STIM1: variants seen among roughly 807,000 people sequenced by gnomAD.
STIM1 encodes stromal interaction molecule 1.
In STIM1, 25 loss-of-function variants were observed where a neutral mutation model predicts 74.7. The observed-to-expected ratio is 0.33, with a 90% CI of 0.24 to 0.47. The LOEUF (loss-of-function observed/expected upper bound fraction) is 0.47. Among genes scored for constraint, STIM1 ranks in the 20% least tolerant of loss-of-function variants. The pLI is 1.00. For synonymous variants in STIM1, 328 were observed against 348.8 expected, an observed-to-expected ratio of 0.94 and a Z score of 0.66; for missense variants, 728 against 920.8, an observed-to-expected ratio of 0.79 and a Z score of 2.71.
intron 1 of STIM1, among the ~76,000 whole-genome samples, chr11:3,875,271 C>T (rs2091271413): frequency 6.6e-6 from 1 of 152,158 alleles, no homozygotes; most frequent in Non-Finnish European, 1.5e-5. Context: ...TAAAGGCTTT[C>T]CTGGCAAAGG....
chr11:3,986,291 A>G (rs929810767), intron 2 of STIM1, among the ~76,000 whole-genome samples: 3 of 152,198 alleles, frequency 2.0e-5, no homozygotes, highest in African/African-American at 4.8e-5. Context: ...ATTGCCTGAG[A>G]TGAATTTTTG....
At chr11:3,896,203 CG>C (rs1208158956) in intron 1 of STIM1, among the ~76,000 whole-genome samples, 1 of 135,596 alleles carries the variant, frequency 7.4e-6, no homozygotes, top group East Asian at 2.2e-4. Flanking sequence ...TGCACCTGGC[CG>C]GAATAGTGCT....
chr11:4,084,636 G>A, intron 10 of STIM1, 37 bp from the exon 11 acceptor site: 1 of 1,286,850 alleles, frequency 7.8e-7, no homozygotes, highest in South Asian at 1.2e-5. Flanking sequence ...CCATAAATCA[G>A]ATTCTCTTCT....
chr11:3,867,678 G>T (rs2090910075), intron 1 of STIM1, among the ~76,000 whole-genome samples: 1 of 152,240 alleles, frequency 6.6e-6, no homozygotes, highest in Admixed American at 6.5e-5. Context: ...CTGGGGAGGG[G>T]CCTCTTGGGA....
At chr11:3,973,928 C>T in intron 2 of STIM1, 2 of 505,728 alleles carry the variant, frequency 4.0e-6, no homozygotes, top group Non-Finnish European at 3.6e-6. Flanking sequence ...TTTAAAGCCC[C>T]CAACAAATAT....
chr11:3,862,620 G>A (rs937352967), intron 1 of STIM1, among the ~76,000 whole-genome samples: 1 of 152,018 alleles, frequency 6.6e-6, no homozygotes, highest in Non-Finnish European at 1.5e-5. Context: ...CTAATTTTTT[G>A]TATTTTTAGT....
At chr11:3,899,815 A>G (rs2092298540) in intron 1 of STIM1, among the ~76,000 whole-genome samples, 1 of 151,326 alleles carries the variant, frequency 6.6e-6, no homozygotes, top group Non-Finnish European at 1.5e-5. Context: ...ATGCTGGATT[A>G]CATTTATTGA....
chr11:3,893,637 A>C (rs2091963771), intron 1 of STIM1, among the ~76,000 whole-genome samples: 1 of 150,422 alleles, frequency 6.6e-6, no homozygotes, highest in African/African-American at 2.4e-5. Context: ...TGGTTGGTTA[A>C]AATCTGGGTC....
chr11:4,059,260 T>G (rs1459735004), intron 4 of STIM1, 21 bp from the exon 5 acceptor site: 1 of 1,604,064 alleles, frequency 6.2e-7, no homozygotes, highest in Non-Finnish European at 8.5e-7. Context: ...GGAACTGATC[T>G]GCTACTCTTT....
intron 2 of STIM1, among the ~76,000 whole-genome samples, chr11:3,969,440 C>A (rs1041769814): frequency 6.6e-6 from 1 of 152,094 alleles, no homozygotes; most frequent in Non-Finnish European, 1.5e-5. Flanking sequence ...TATGATCATG[C>A]CATTGCACTC....
intron 3 of STIM1, among the ~76,000 whole-genome samples, chr11:4,054,501 C>G (rs923336104): frequency 6.6e-6 from 1 of 152,204 alleles, no homozygotes; most frequent in African/African-American, 2.4e-5. Context: ...ACTGCCTGAA[C>G]TCCACCTTTT....
intron 1 of STIM1, chr11:3,922,471 C>T (rs1361416749): frequency 1.3e-5 from 2 of 151,994 alleles, no homozygotes; most frequent in Non-Finnish European, 2.9e-5. Context: ...GGATATAAGT[C>T]CTTTGTCTTA....
chr11:3,880,783 C>T (rs1363207182), intron 1 of STIM1, among the ~76,000 whole-genome samples: 2 of 152,174 alleles, frequency 1.3e-5, no homozygotes, highest in African/African-American at 4.8e-5. Context: ...CAAAAGAGGT[C>T]AGTCAGCCCC....
At chr11:3,864,773 A>G (rs1450742609) in intron 1 of STIM1, among the ~76,000 whole-genome samples, 2 of 152,238 alleles carry the variant, frequency 1.3e-5, no homozygotes, top group Non-Finnish European at 2.9e-5. Context: ...CCCAAGGGCC[A>G]TGCTCTGGGG....
intron 2 of STIM1, among the ~76,000 whole-genome samples, chr11:4,013,690 C>CTT (rs1169600270): frequency 0.018 from 912 of 51,932 alleles, 94 homozygotes; most frequent in Non-Finnish European, 0.02. Context: ...TCATTGATTT[C>CTT]TTTTTTTTTT....
At chr11:4,015,588 C>A (rs1044546254) in intron 2 of STIM1, among the ~76,000 whole-genome samples, 3 of 152,154 alleles carry the variant, frequency 2.0e-5, no homozygotes, top group South Asian at 2.1e-4. Flanking sequence ...TGAATGTTGG[C>A]CTGCCTTGCT....
intron 1 of STIM1, among the ~76,000 whole-genome samples, chr11:3,900,213 T>C (rs1204668303): frequency 6.6e-6 from 1 of 152,122 alleles, no homozygotes; most frequent in Non-Finnish European, 1.5e-5. Flanking sequence ...TCAGCAAGAC[T>C]CCCTGGGCGT....
chr11:3,867,912 A>G (rs1241784264), intron 1 of STIM1: 1 of 152,192 alleles, frequency 6.6e-6, no homozygotes, highest in African/African-American at 2.4e-5. Flanking sequence ...TAATTTTCTC[A>G]GTGTGATTCA....
At chr11:4,079,798 A>T (rs1285162380) in intron 7 of STIM1, among the ~76,000 whole-genome samples, 1 of 152,228 alleles carries the variant, frequency 6.6e-6, no homozygotes, top group East Asian at 1.9e-4. Context: ...TAAAACATAT[A>T]GATAAGTGTT....
Sources: gnomAD v4.1 joint callset for allele counts (sites outside exome capture counted in the v4.1 genomes callset) on GRCh38, gnomAD v4.1.1 for gene constraint, MANE v1.5 for transcripts, NCBI Gene and HGNC (gene_info 2026-07-23, HGNC 2026-07-21) for gene names.